Variants in RAB30 observed in about 807,000 individuals in gnomAD.
RAB30 encodes RAB30, member RAS oncogene family.
RAB30 carries 9 observed loss-of-function variants against 25.1 expected under a neutral mutation model. The observed-to-expected ratio is 0.36, with a 90% CI of 0.22 to 0.63. The LOEUF (loss-of-function observed/expected upper bound fraction) is 0.63, where lower values mean the gene tolerates loss of function less well. Ranked by LOEUF, RAB30 falls within the 20% of genes least tolerant of loss-of-function variation. The pLI is 0.69. For missense variants in RAB30, 140 were observed against 243.5 expected (o/e 0.58, Z 2.83); for synonymous variants, 77 against 86.4 (o/e 0.89, Z 0.60).
intron 1 of RAB30, among the ~76,000 whole-genome samples, chr11:83,058,674 C>T (rs1325019657): frequency 1.3e-5 from 2 of 152,228 alleles, no homozygotes; most frequent in Non-Finnish European, 2.9e-5. Flanking sequence ...CCTTGTTTCT[C>T]CACTGTGAAG....
intron 4 of RAB30, among the ~76,000 whole-genome samples, chr11:82,986,135 C>T (rs1372455562): frequency 1.3e-5 from 2 of 152,052 alleles, no homozygotes; most frequent in Non-Finnish European, 2.9e-5. Context: ...GTTAGGTTTT[C>T]TTTTTAAAAA....
At chr11:83,024,084 C>G (rs555912707) in intron 1 of RAB30, among the ~76,000 whole-genome samples, 1 of 152,290 alleles carries the variant, frequency 6.6e-6, no homozygotes, top group Admixed American at 6.5e-5. Flanking sequence ...ATCTTTGCAG[C>G]CCCAGTACTT....
At chr11:83,059,603 C>T (rs1858524858) in intron 1 of RAB30, among the ~76,000 whole-genome samples, 1 of 152,200 alleles carries the variant, frequency 6.6e-6, no homozygotes, top group African/African-American at 2.4e-5. Context: ...AGTAGCAGGA[C>T]CAGCTTGAGT....
chr11:83,058,375 C>T (rs558542369), intron 1 of RAB30, among the ~76,000 whole-genome samples: 1 of 152,172 alleles, frequency 6.6e-6, no homozygotes, highest in Non-Finnish European at 1.5e-5. Flanking sequence ...ATATCCAATC[C>T]AGGATCATAT....
intron 1 of RAB30, among the ~76,000 whole-genome samples, chr11:83,044,699 T>A (rs1263080032): frequency 6.6e-6 from 1 of 152,202 alleles, no homozygotes; most frequent in African/African-American, 2.4e-5. Context: ...TCATCAGAAC[T>A]GAAAAATAAA....
chr11:83,031,182 T>C (rs899090611), intron 1 of RAB30, among the ~76,000 whole-genome samples: 2 of 152,260 alleles, frequency 1.3e-5, no homozygotes, highest in African/African-American at 2.4e-5. Flanking sequence ...CTAATTTCTG[T>C]TGCTTAAGCC....
At chr11:83,046,812 A>C (rs984519002) in intron 1 of RAB30, among the ~76,000 whole-genome samples, 6 of 152,296 alleles carry the variant, frequency 3.9e-5, no homozygotes, top group African/African-American at 1.4e-4. Flanking sequence ...ACATTTTTTA[A>C]TGATTGCAAA....
At chr11:83,026,908 A>C (rs1387980964) in intron 1 of RAB30, among the ~76,000 whole-genome samples, 1 of 152,196 alleles carries the variant, frequency 6.6e-6, no homozygotes, top group Non-Finnish European at 1.5e-5. Context: ...TTGACTTAGC[A>C]TACTCAGAAA....
chr11:83,045,581 C>A (rs548734933), intron 1 of RAB30, among the ~76,000 whole-genome samples: 1 of 152,254 alleles, frequency 6.6e-6, no homozygotes, highest in African/African-American at 2.4e-5. Context: ...ACAGCCTTGC[C>A]ACGGTTAAGC....
intron 1 of RAB30, among the ~76,000 whole-genome samples, chr11:83,020,193 G>A (rs943919791): frequency 4.6e-5 from 7 of 152,214 alleles, no homozygotes; most frequent in Non-Finnish European, 7.4e-5. Context: ...CTCAAACCAC[G>A]GCTGCAGACC....
intron 1 of RAB30, among the ~76,000 whole-genome samples, chr11:83,018,044 T>C (rs1365121759): frequency 6.6e-6 from 1 of 152,236 alleles, no homozygotes; most frequent in East Asian, 1.9e-4. Context: ...CTCACGCCTG[T>C]AATCCCAGAA....
chr11:83,049,618 C>G (rs939829044), intron 1 of RAB30, among the ~76,000 whole-genome samples: 10 of 151,622 alleles, frequency 6.6e-5, no homozygotes, highest in African/African-American at 2.4e-4. Context: ...GTAGCTGGGA[C>G]TACAAGGTAT....
At chr11:83,069,450 C>A (rs1176632621) in intron 1 of RAB30, among the ~76,000 whole-genome samples, 1 of 152,178 alleles carries the variant, frequency 6.6e-6, no homozygotes, top group Non-Finnish European at 1.5e-5. Flanking sequence ...TAACAAACTT[C>A]TTTCCTGCAC....
intron 1 of RAB30, among the ~76,000 whole-genome samples, chr11:83,036,767 G>T (rs938468326): frequency 3.3e-5 from 5 of 152,178 alleles, no homozygotes; most frequent in African/African-American, 1.2e-4. Context: ...AATAAGCCAG[G>T]CATTTGCAAA....
chr11:82,985,193 G>A (rs926443082), intron 4 of RAB30, among the ~76,000 whole-genome samples: 10 of 151,966 alleles, frequency 6.6e-5, no homozygotes, highest in African/African-American at 2.2e-4. Context: ...TCAAACTCCC[G>A]ACCTCAAGTG....
intron 1 of RAB30, among the ~76,000 whole-genome samples, chr11:83,019,542 A>G (rs1857517125): frequency 6.6e-6 from 1 of 151,762 alleles, no homozygotes; most frequent in Admixed American, 6.6e-5. Flanking sequence ...TCTTTCTCTC[A>G]CCTAGCTTCC....
At chr11:83,055,209 T>TA (rs1282741560) in intron 1 of RAB30, among the ~76,000 whole-genome samples, 7 of 152,228 alleles carry the variant, frequency 4.6e-5, no homozygotes, top group African/African-American at 1.7e-4. Flanking sequence ...CCACCATACA[T>TA]AAAGTGCCTA....
chr11:83,013,612 C>G (rs1393222989), intron 1 of RAB30, among the ~76,000 whole-genome samples: 2 of 152,128 alleles, frequency 1.3e-5, no homozygotes, highest in Non-Finnish European at 2.9e-5. Flanking sequence ...GCAATTTGAT[C>G]TTAAGGAGAG....
At chr11:82,985,582 A>C (rs951894368) in intron 4 of RAB30, among the ~76,000 whole-genome samples, 1 of 152,106 alleles carries the variant, frequency 6.6e-6, no homozygotes, top group Non-Finnish European at 1.5e-5. Context: ...CAAAATTTAG[A>C]CTTGTAAAGC....
Sources: gnomAD v4.1 joint callset for allele counts (sites outside exome capture counted in the v4.1 genomes callset) on GRCh38, gnomAD v4.1.1 for gene constraint, MANE v1.5 for transcripts, NCBI Gene and HGNC (gene_info 2026-07-23, HGNC 2026-07-21) for gene names.